The following FGF23 variants were observed in gnomAD, a reference collection of about 807,000 sequenced individuals.
FGF23 encodes phosphatonin.
FGF23 carries 8 observed loss-of-function variants against 9.0 expected under a neutral mutation model. The ratio of observed to expected loss-of-function variants is 0.89; its 90% CI spans 0.52 to 1.60. FGF23 has a LOEUF of 1.60. Among genes scored for constraint, FGF23 ranks in the 40% most tolerant of loss-of-function variants. The probability of loss-of-function intolerance (pLI) is 0.00; values close to 1 mark genes in which losing one functional copy is unlikely to be tolerated. For missense variants in FGF23, 311 were observed against 344.3 expected (o/e 0.90, Z 0.77); for synonymous variants, 118 against 146.2 (o/e 0.81, Z 1.39).
In FGF23 at chr12:4,369,970, C is replaced by CTTTTTTTTTTTTTTTTTTTTT. The variant is rs58735464; in HGVS notation, c.*352_*372dup. On this transcript the variant is annotated 3_prime_UTR_variant, in exon 3 of 3. Transcript: ENST00000237837. ...AAGTCTTGAGCTCAGGAACCCACTG[C>CTTTTTTTTTTTTTTTTTTTTT]TTTTTTTTTTTTTTTTTTTTTTTTT... The CTTTTTTTTTTTTTTTTTTTTT allele has an allele frequency of 1.1e-5, 1 of 89,684 alleles. No individual in the cohort carries two copies. Among genetic ancestry groups the CTTTTTTTTTTTTTTTTTTTTT allele is most frequent in the Admixed American group, 1.4e-4 (1 of 6,958 alleles). The allele number at this position is 89,684 out of a possible 1,614,324, so 5.6% of individuals were successfully genotyped here.
chr12:4,370,578 G>A lies in FGF23; in HGVS notation c.521C>T (p.Pro174Leu). 6.2e-7 allele frequency: 1 copy of A among 1,613,890 alleles called. No homozygotes were observed. Among genetic ancestry groups the A allele is most frequent in the South Asian group, 1.1e-5 (1 of 91,074 alleles). The change falls in exon 3 of 3, where the codon CCA becomes CTA. Residue 174 changes from proline to leucine, a missense_variant. By Grantham distance (98) the Pro-to-Leu change is moderately conservative. Transcript: ENST00000237837. ...IPLIHFNTPI[P>L]RRHTRSAEDD... ...CTCGGCGCTCCGGGTGTGCCGCCGT[G>A]GTATGGGGGTGTTGAAGTGAATTAG...
intron 1 of FGF23, 24 bp from the exon 2 acceptor site, chr12:4,372,721 A>G (rs1865077393): frequency 1.3e-6 from 2 of 1,495,888 alleles, no homozygotes; most frequent in Non-Finnish European, 1.9e-6. Flanking sequence ...CAGGCAGGGC[A>G]AAGACTCATT....
chr12:4,375,187 T>C (rs1293227824), intron 1 of FGF23, among the ~76,000 whole-genome samples: 1 of 152,148 alleles, frequency 6.6e-6, no homozygotes, highest in Non-Finnish European at 1.5e-5. Context: ...GTGGTAAAAG[T>C]GACTCGAAAG....
intron 1 of FGF23, among the ~76,000 whole-genome samples, chr12:4,375,901 T>C (rs969432550): frequency 6.6e-6 from 1 of 152,232 alleles, no homozygotes; most frequent in Non-Finnish European, 1.5e-5. Context: ...AGTAGAAAAT[T>C]ATCTACTCCA....
rs1289669488 is a variant in FGF23 at position 4,369,920 on chromosome 12, C to G, written c.*423G>C. On this transcript the variant is annotated 3_prime_UTR_variant, in exon 3 of 3. Coordinates refer to ENST00000237837, the MANE Select transcript of FGF23 (RefSeq NM_020638.3). ...GCAGTGGAGAAGCTTCTGGGATCTC[C>G]GATTTCCTCTTCCCTACACCTTCAA... 3 of 226,428 alleles carry G rather than the reference C, an allele frequency of 1.3e-5. No individual in the cohort carries two copies. Among genetic ancestry groups the G allele is most frequent in the Non-Finnish European group, 2.6e-5 (3 of 116,008 alleles). The allele number at this position is 226,428 out of a possible 1,614,324, so 14.0% of individuals were successfully genotyped here.
chr12:4,375,756 G>T (rs1478878341), intron 1 of FGF23, among the ~76,000 whole-genome samples: 2 of 152,214 alleles, frequency 1.3e-5, no homozygotes, highest in Non-Finnish European at 2.9e-5. Flanking sequence ...CATATAAAAT[G>T]AGGACAGCAG....
At chr12:4,372,205 T>C (rs11063116) in intron 2 of FGF23, among the ~76,000 whole-genome samples, 15,656 of 141,614 alleles carry the variant, frequency 0.11, 1,019 homozygotes, top group East Asian at 0.29. Flanking sequence ...AGGGATAGCA[T>C]TGGGAGATAT....
chr12:4,370,656 C>T lies in FGF23; in HGVS notation c.443G>A (p.Gly148Asp), dbSNP rs1358840694. The T allele has an allele frequency of 2.5e-6, 4 of 1,614,152 alleles. No individual in the cohort carries two copies. Among genetic ancestry groups the T allele is most frequent in the Non-Finnish European group, 3.4e-6 (4 of 1,179,992 alleles). The change falls in exon 3 of 3, where the codon GGC becomes GAC. Residue 148 changes from glycine to aspartate, a missense_variant. By Grantham distance (94) the Gly-to-Asp change is moderately conservative (BLOSUM62 -1). Coordinates refer to ENST00000237837, the MANE Select transcript of FGF23 (RefSeq NM_020638.3). Reference protein sequence around the residue: ...LGRAKRAFLPGMNPPPYSQFL... With the variant: ...LGRAKRAFLPDMNPPPYSQFL... ...CTGGGAGTACGGGGGTGGGTTCATGCCTGGCAGGAAGGCTCTCTTCGCCCG... is the reference window on the plus strand; with the variant it reads ...CTGGGAGTACGGGGGTGGGTTCATGTCTGGCAGGAAGGCTCTCTTCGCCCG...
intron 1 of FGF23, among the ~76,000 whole-genome samples, chr12:4,377,403 A>C (rs1376682170): frequency 7.4e-6 from 1 of 134,948 alleles, no homozygotes; most frequent in Non-Finnish European, 1.6e-5. Context: ...ACTATTCTGC[A>C]TTTTAAATCA....
rs752559964 is a variant in FGF23 at position 4,370,338 on chromosome 12, C to T, written c.*5G>A. On this transcript the variant is annotated 3_prime_UTR_variant, in exon 3 of 3. Transcript: ENST00000237837. Reference sequence around the variant, plus strand: ...TGGGTTAAAGAGGGTGCCCTTCCAGCGACCCTAGATGAACTTGGCGAAGGG... The same window carrying T: ...TGGGTTAAAGAGGGTGCCCTTCCAGTGACCCTAGATGAACTTGGCGAAGGG... 5.0e-6 allele frequency: 8 copies of T among 1,612,542 alleles called. No individual in the cohort carries two copies. The highest frequency in any genetic ancestry group is 1.7e-4 in the Middle Eastern group (1 of 6,058).
At chr12:4,372,485 C>T in intron 2 of FGF23, 109 bp downstream of exon 2, 2 of 748,050 alleles carry the variant, frequency 2.7e-6, no homozygotes, top group Non-Finnish European at 4.8e-6. Flanking sequence ...GGAAACAGGT[C>T]ACCAGGGTAC....
intron 2 of FGF23, among the ~76,000 whole-genome samples, chr12:4,371,792 T>C (rs879552351): frequency 5.3e-5 from 8 of 152,142 alleles, no homozygotes; most frequent in Admixed American, 5.2e-4. Context: ...AAGTCACAGC[T>C]AGTCCCAGAA....
chr12:4,378,071 G>A lies in FGF23; in HGVS notation c.211+1301C>T, dbSNP rs574643210. Among the ~76,000 whole-genome samples the A allele has an allele frequency of 5.3e-5, 8 of 152,196 alleles. No individual in the cohort carries two copies. The South Asian group carries it at 1.7e-3, about 32-fold the overall frequency. On this transcript the variant is annotated intron_variant, in intron 1 of 2. Transcript: ENST00000237837. ...GAGTTCTGGAACCTGTTTGGTATTCGGAGAGAACTTTCCTCTCTCCTTTTA... is the reference window on the plus strand; with the variant it reads ...GAGTTCTGGAACCTGTTTGGTATTCAGAGAGAACTTTCCTCTCTCCTTTTA...
Position 4,369,970 on chromosome 12 carries a change from CTTTTTTTTTTTTT to C in FGF23, c.*360_*372del, listed in dbSNP as rs58735464. 11 of 91,000 alleles carry C rather than the reference CTTTTTTTTTTTTT, an allele frequency of 1.2e-4. No individual in the cohort carries two copies. Among genetic ancestry groups the C allele is most frequent in the African/African-American group, 3.8e-4 (5 of 13,292 alleles). 5.6% of individuals were successfully genotyped at this position (91,000 alleles called of 1,614,324 possible). ...AAGTCTTGAGCTCAGGAACCCACTG[CTTTTTTTTTTTTT>C]TTTTTTTTTTTTTTTTTTTATGCTT... On this transcript the variant is annotated 3_prime_UTR_variant, in exon 3 of 3. Coordinates refer to ENST00000237837, the MANE Select transcript of FGF23 (RefSeq NM_020638.3).
At chr12:4,372,421 A>G (rs535437712) in intron 2 of FGF23, among the ~76,000 whole-genome samples, 173 bp downstream of exon 2, 4 of 152,302 alleles carry the variant, frequency 2.6e-5, no homozygotes, top group Middle Eastern at 3.4e-3. Flanking sequence ...AACCCCAGCT[A>G]TTAAACGTGA....
intron 1 of FGF23, 121 bp from the exon 2 acceptor site, chr12:4,372,818 C>A (rs148840152): frequency 4.0e-6 from 3 of 747,994 alleles, no homozygotes; most frequent in Non-Finnish European, 7.3e-6. Flanking sequence ...GTGATAACTT[C>A]AGCACTCTTA....
chr12:4,376,119 G>A (rs1380608855), intron 1 of FGF23, among the ~76,000 whole-genome samples: 1 of 152,182 alleles, frequency 6.6e-6, no homozygotes, highest in Non-Finnish European at 1.5e-5. Context: ...TCTCTCTCTT[G>A]CTGTTTCCAT....
At chr12:4,378,424 A>C (rs1865142281) in intron 1 of FGF23, among the ~76,000 whole-genome samples, 1 of 152,186 alleles carries the variant, frequency 6.6e-6, no homozygotes, top group African/African-American at 2.4e-5. Context: ...GTTTTCTTAA[A>C]ATAGAAGATC....
chr12:4,373,091 AT>A (rs1431959212), intron 1 of FGF23, among the ~76,000 whole-genome samples: 8 of 152,278 alleles, frequency 5.3e-5, no homozygotes, highest in Admixed American at 1.3e-4. Flanking sequence ...TGATTTTTAA[AT>A]CTATGCTGAG....
Sources: allele counts gnomAD v4.1 joint callset (sites outside exome capture counted in the v4.1 genomes callset), GRCh38; gene constraint gnomAD v4.1.1; transcripts MANE v1.5; gene names NCBI Gene and HGNC (gene_info 2026-07-23, HGNC 2026-07-21).